Variants in VAT1L observed in about 807,000 individuals in gnomAD.
VAT1L encodes the protein putative NADPH-dependent quinone oxidoreductase VAT1L.
VAT1L carries 34 observed loss-of-function variants against 44.1 expected under a neutral mutation model. That is an observed-to-expected ratio of 0.77 (90% CI 0.59 to 1.03). VAT1L has a LOEUF of 1.03. Among genes scored for constraint, VAT1L ranks in the 50% least tolerant of loss-of-function variants. VAT1L has a pLI of 0.00. For missense variants in VAT1L, 615 were observed against 538.8 expected (o/e 1.14, Z -1.40); for synonymous variants, 253 against 202.2 (o/e 1.25, Z -2.13).
chr16:77,844,858 G>T (rs1330438784), intron 3 of VAT1L, among the ~76,000 whole-genome samples: 1 of 140,398 alleles, frequency 7.1e-6, no homozygotes, highest in East Asian at 2.0e-4. Flanking sequence ...GTGTGTGCAT[G>T]TGTATATATA....
Position 77,879,353 on chromosome 16 carries a change from C to A in VAT1L, c.882+129C>A. On this transcript the variant is annotated intron_variant, in intron 6 of 8. Transcript: ENST00000302536. This position sits in a 1 kb window ranked among gnomAD's most constrained non-coding sequence, Gnocchi z 4.1. ...GTCACCAGGCTGGAGTGCAATGGCACGATCTCGGCTCATGGCAACCTCCGA... is the reference window on the plus strand; with the variant it reads ...GTCACCAGGCTGGAGTGCAATGGCAAGATCTCGGCTCATGGCAACCTCCGA... 1.0e-6 allele frequency: 1 copy of A among 974,028 alleles called. No homozygotes were observed. Among genetic ancestry groups the A allele is most frequent in the Non-Finnish European group, 1.6e-6 (1 of 624,794 alleles). 60.3% of individuals were successfully genotyped at this position (974,028 alleles called of 1,614,324 possible).
chr16:77,884,760 G>T lies in VAT1L; in HGVS notation c.1035G>T (p.Lys345Asn), dbSNP rs1031464449. 5.7e-6 allele frequency: 9 copies of T among 1,582,864 alleles called. No individual in the cohort carries two copies. Among genetic ancestry groups the T allele is most frequent in the South Asian group, 2.3e-5 (2 of 85,722 alleles). The stretch of plus-strand genomic sequence containing the variant: ...AACTCATAGGGCTCTACAACCAGAA[G>T]AAGATCAAGCCTGTGGTGGACTCCT... Reference protein sequence around the residue: ...VEKLIGLYNQKKIKPVVDSLW... With the variant: ...VEKLIGLYNQNKIKPVVDSLW... The change falls in exon 7 of 9, where the codon AAG (lysine) becomes AAT (asparagine). Residue 345 changes from lysine (K) to asparagine (N), a missense_variant. Physicochemically the swap from Lys to Asn is moderately conservative, Grantham distance 94 (BLOSUM62 0). Transcript: ENST00000302536. The surrounding 1 kb of genome is among the most constrained non-coding windows in gnomAD (Gnocchi z 4.5).
rs189606569 is a variant in VAT1L at position 77,854,918 on chromosome 16, A to G, written c.580-7830A>G. 3.3e-3 allele frequency among the ~76,000 whole-genome samples: 505 copies of G among 152,304 alleles called. 3 individuals are homozygous for G. Among genetic ancestry groups the G allele is most frequent in the Non-Finnish European group, 5.4e-3 (365 of 68,024 alleles). ...TCATCAAACTTGGTACAGGGACTCA[A>G]CCTTCATACTTTTTGGGAGATTTCT... On this transcript the variant is annotated intron_variant, in intron 3 of 8. Transcript: ENST00000302536.
At chr16:77,940,364 G>A (rs1444939747) in intron 7 of VAT1L, among the ~76,000 whole-genome samples, 1 of 106,050 alleles carries the variant, frequency 9.4e-6, no homozygotes, top group African/African-American at 3.4e-5. Flanking sequence ...TTTTTTTGGA[G>A]ACAGACTCTC....
intron 1 of VAT1L, among the ~76,000 whole-genome samples, chr16:77,796,836 G>A (rs2015942876): frequency 1.3e-5 from 2 of 152,184 alleles, no homozygotes; most frequent in South Asian, 2.1e-4. Context: ...CAGCAACATA[G>A]ATGGAGATGA....
At chr16:77,800,749 C>G (rs1239502536) in intron 1 of VAT1L, 1 of 152,172 alleles carries the variant, frequency 6.6e-6, no homozygotes, top group Non-Finnish European at 1.5e-5. Context: ...GCACATGCTA[C>G]CTTGTATATT....
At position 77,858,808 on chromosome 16, in the gene VAT1L, G is replaced by A. The variant is rs139487508; in HGVS notation, c.580-3940G>A. 1.1e-4 allele frequency among the ~76,000 whole-genome samples: 16 copies of A among 152,158 alleles called. No individual in the cohort carries two copies. The East Asian group carries it at 3.1e-3, about 29-fold the overall frequency. ...GAGGCCAGGAATTCTAGACCAGCCT[G>A]GGTAACATAGTGAGACCCCATCTTT... On this transcript the variant is annotated intron_variant, in intron 3 of 8. Transcript: ENST00000302536.
chr16:77,891,858 G>A (rs1056101012), intron 7 of VAT1L, among the ~76,000 whole-genome samples: 1 of 152,160 alleles, frequency 6.6e-6, no homozygotes, highest in Non-Finnish European at 1.5e-5. Flanking sequence ...GGATCACCAG[G>A]TCAGGAGATC....
At chr16:77,798,570 G>C (rs2015981818) in intron 1 of VAT1L, among the ~76,000 whole-genome samples, 1 of 152,158 alleles carries the variant, frequency 6.6e-6, no homozygotes, top group Admixed American at 6.5e-5. Context: ...GTGTTTGATA[G>C]ATATTAATGG....
chr16:77,955,503 T>A (rs186338744), intron 7 of VAT1L, among the ~76,000 whole-genome samples: 1 of 152,126 alleles, frequency 6.6e-6, no homozygotes, highest in South Asian at 2.1e-4. Context: ...GGCGGGAAGA[T>A]TGCTTGAGGT....
intron 7 of VAT1L, among the ~76,000 whole-genome samples, chr16:77,916,027 T>G (rs1362892244): frequency 6.6e-6 from 1 of 152,182 alleles, no homozygotes; most frequent in Non-Finnish European, 1.5e-5. Flanking sequence ...AGTCATTCAT[T>G]GAGAGCTGTT....
intron 3 of VAT1L, among the ~76,000 whole-genome samples, chr16:77,826,485 A>C (rs1312702336): frequency 6.6e-6 from 1 of 152,204 alleles, no homozygotes; most frequent in Admixed American, 6.5e-5. Flanking sequence ...ACATAAACCT[A>C]AGTACATTCA....
At chr16:77,832,186 G>C (rs2016587428) in intron 3 of VAT1L, among the ~76,000 whole-genome samples, 1 of 151,872 alleles carries the variant, frequency 6.6e-6, no homozygotes, top group Non-Finnish European at 1.5e-5. Flanking sequence ...TTGGCATTAA[G>C]GAAGTATGGG....
intron 7 of VAT1L, among the ~76,000 whole-genome samples, chr16:77,942,037 G>A (rs1021218502): frequency 6.6e-6 from 1 of 152,122 alleles, no homozygotes; most frequent in African/African-American, 2.4e-5. Context: ...ATATCTCATT[G>A]TGGTTTTGAT....
chr16:77,868,638 A>G (rs1437827910), intron 4 of VAT1L, among the ~76,000 whole-genome samples: 2 of 152,160 alleles, frequency 1.3e-5, no homozygotes, highest in Non-Finnish European at 1.5e-5. Flanking sequence ...TCTTTCTAGC[A>G]CCCACACTGA....
intron 7 of VAT1L, among the ~76,000 whole-genome samples, chr16:77,928,663 C>T (rs879581089): frequency 2.6e-5 from 4 of 152,062 alleles, no homozygotes; most frequent in Admixed American, 1.3e-4. Context: ...GCAAGCCCCT[C>T]GTAAATGACG....
At chr16:77,935,814 C>T (rs747519979) in intron 7 of VAT1L, among the ~76,000 whole-genome samples, 7 of 152,152 alleles carry the variant, frequency 4.6e-5, no homozygotes, top group Admixed American at 1.3e-4. Context: ...AATATCTAAA[C>T]CCTATGAGCT....
At chr16:77,867,924 G>A (rs140079316) in intron 4 of VAT1L, among the ~76,000 whole-genome samples, 1 of 151,636 alleles carries the variant, frequency 6.6e-6, no homozygotes, top group Non-Finnish European at 1.5e-5. Flanking sequence ...GGTGGGAAAT[G>A]GGTACACAAT....
At chr16:77,918,521 C>G (rs1233209977) in intron 7 of VAT1L, among the ~76,000 whole-genome samples, 1 of 152,148 alleles carries the variant, frequency 6.6e-6, no homozygotes, top group African/African-American at 2.4e-5. Flanking sequence ...TCCTTGTCCC[C>G]TTCCTCAACC....
Sources: allele counts gnomAD v4.1 joint callset (sites outside exome capture counted in the v4.1 genomes callset), GRCh38; gene constraint gnomAD v4.1.1; non-coding constraint Gnocchi (gnomAD v3.1); transcripts MANE v1.5; gene names NCBI Gene and HGNC (gene_info 2026-07-23, HGNC 2026-07-21).